The following PARD3 variants were observed in gnomAD, a reference collection of about 807,000 sequenced individuals.
The protein encoded by PARD3 is par-3 family cell polarity regulator, also known as partitioning defective 3 homolog.
PARD3 carries 75 observed loss-of-function variants against 155.4 expected under a neutral mutation model. That is an observed-to-expected ratio of 0.48 (90% CI 0.40 to 0.58). The LOEUF (loss-of-function observed/expected upper bound fraction) is 0.58, where lower values mean the gene tolerates loss of function less well. Ranked by LOEUF, PARD3 falls within the 20% of genes least tolerant of loss-of-function variation. The pLI, the probability that PARD3 is intolerant of heterozygous loss-of-function variation, is 0.00. For synonymous variants in PARD3, 576 were observed against 610.5 expected (o/e 0.94, Z 0.83); for missense variants, 1,642 against 1,721.7 (o/e 0.95, Z 0.82).
intron 5 of PARD3, among the ~76,000 whole-genome samples, chr10:34,424,201 A>G (rs748564135): frequency 5.9e-5 from 9 of 152,226 alleles, no homozygotes; most frequent in Non-Finnish European, 1.3e-4. Flanking sequence ...CAATGCATGC[A>G]GGGGATGAAA....
chr10:34,491,593 C>G (rs2079911714), intron 3 of PARD3, among the ~76,000 whole-genome samples: 2 of 152,284 alleles, frequency 1.3e-5, no homozygotes, highest in Admixed American at 6.5e-5. Flanking sequence ...ATATTTAGAA[C>G]TAGCTCACTG....
At chr10:34,766,617 CAAAAAA>C (rs34958448) in intron 1 of PARD3, among the ~76,000 whole-genome samples, 5 of 81,774 alleles carry the variant, frequency 6.1e-5, no homozygotes, top group South Asian at 5.5e-4. Context: ...ACTTAATTGA[CAAAAAA>C]AAAAAAAAAA....
At chr10:34,407,763 G>A (rs1387043051) in intron 5 of PARD3, among the ~76,000 whole-genome samples, 2 of 151,932 alleles carry the variant, frequency 1.3e-5, no homozygotes, top group Non-Finnish European at 2.9e-5. Flanking sequence ...AGCCCAGGGA[G>A]TTCAAGGCTG....
In PARD3 at chr10:34,804,617, T is replaced by C. The variant is rs16935739; in HGVS notation, c.120+10259A>G. Among the ~76,000 whole-genome samples the C allele has an allele frequency of 1.6e-3, 246 of 152,372 alleles. 7 individuals are homozygous for C. In the East Asian group the frequency reaches 0.044, roughly 27 times the overall value. On this transcript the variant is annotated intron_variant, in intron 1 of 24. Transcript: ENST00000374788. ...GCACACTGGGTTTCAGCATTATAAA[T>C]GACACATGTTAAATGCCTTTGTGGT...
rs575647547 is a variant in PARD3 at position 34,586,122 on chromosome 10, G to A, written c.223-68963C>T. Among the ~76,000 whole-genome samples the A allele has an allele frequency of 4.6e-5, 7 of 151,718 alleles. No individual in the cohort carries two copies. The East Asian group carries it at 7.8e-4, about 17-fold the overall frequency. On this transcript the variant is annotated intron_variant, in intron 2 of 24. Transcript: ENST00000374788. ...AAGTAACAACTGCTACTTTAATGCA[G>A]ATTAGTTTTCAGTCCCAACTGATGG... is the stretch of plus-strand genomic sequence containing the variant.
intron 6 of PARD3, 116 bp downstream of exon 6, chr10:34,401,710 G>T: frequency 1.3e-6 from 1 of 759,942 alleles, no homozygotes. Context: ...ATCAATGCAC[G>T]GCATGTTTTT....
intron 2 of PARD3, among the ~76,000 whole-genome samples, chr10:34,665,755 T>C (rs1184415601): frequency 1.3e-5 from 2 of 151,378 alleles, no homozygotes; most frequent in Middle Eastern, 3.5e-3. Flanking sequence ...GAAGAATCAC[T>C]TGAACCCAGG....
At chr10:34,785,169 ATCTT>A (rs1219039759) in intron 1 of PARD3, among the ~76,000 whole-genome samples, 4 of 152,274 alleles carry the variant, frequency 2.6e-5, no homozygotes, top group Non-Finnish European at 4.4e-5. Context: ...AATGTCATTA[ATCTT>A]TCTGTCTATG....
chr10:34,346,377 G>GT (rs1837426317), intron 15 of PARD3: 1 of 1,321,690 alleles, frequency 7.6e-7, no homozygotes, highest in Non-Finnish European at 1.0e-6. Flanking sequence ...AAGCATCAGG[G>GT]ATTGGAGGCA....
intron 3 of PARD3, among the ~76,000 whole-genome samples, chr10:34,497,284 TAAA>T (rs2133383936): frequency 6.6e-6 from 1 of 152,220 alleles, no homozygotes; most frequent in Non-Finnish European, 1.5e-5. Context: ...ATAATGCAAA[TAAA>T]AACAATATAG....
chr10:34,131,425 G>A (rs1251717141), intron 23 of PARD3, 38 bp downstream of exon 23: 6 of 1,612,712 alleles, frequency 3.7e-6, no homozygotes, highest in Non-Finnish European at 4.2e-6. Flanking sequence ...CAGGGAAGTT[G>A]TAGGACCATT....
At chr10:34,429,561 TTTGTTTTG>T (rs1186474445) in intron 5 of PARD3, among the ~76,000 whole-genome samples, 1 of 103,688 alleles carries the variant, frequency 9.6e-6, no homozygotes, top group Non-Finnish European at 1.8e-5. Context: ...TCAGTTTTGT[TTTGTTTTG>T]TTTTGTTTTG....
chr10:34,362,824 T>G (rs1839587148), intron 12 of PARD3, among the ~76,000 whole-genome samples: 2 of 152,264 alleles, frequency 1.3e-5, no homozygotes, highest in African/African-American at 4.8e-5. Flanking sequence ...TATGTGTGAA[T>G]GAACTGCACT....
intron 1 of PARD3, among the ~76,000 whole-genome samples, chr10:34,718,949 G>A (rs1476958682): frequency 6.6e-6 from 1 of 151,860 alleles, no homozygotes; most frequent in Non-Finnish European, 1.5e-5. Context: ...GGGGACAAGA[G>A]CGAGACTCAA....
At chr10:34,241,931 G>C (rs1953623501) in intron 22 of PARD3, among the ~76,000 whole-genome samples, 1 of 151,962 alleles carries the variant, frequency 6.6e-6, no homozygotes, top group Non-Finnish European at 1.5e-5. Context: ...ATAACTATCT[G>C]TATTGTGCAT....
Position 34,269,809 on chromosome 10 carries a change from A to T in PARD3, c.3267T>A (p.Cys1089Ter). ...CTCCCCCATACATTAACTCATCATC[A>T]CAGCCAAATGTCCGATGAAAATCTT... is the stretch of plus-strand genomic sequence containing the variant. ...EIQDFHRTFG[C>*]DDELMYGGVS... Residue 1089 changes from cysteine to a stop codon, truncating the protein, a stop_gained, in exon 22 of 25, where the codon TGT becomes TGA. Transcript: ENST00000374788. LOFTEE classifies it high-confidence loss of function. 6.2e-7 allele frequency: 1 copy of T among 1,613,984 alleles called. No individual in the cohort carries two copies. The highest frequency in any genetic ancestry group is 8.5e-7 in the Non-Finnish European group (1 of 1,179,956).
chr10:34,300,814 G>A (rs16935302), intron 20 of PARD3, among the ~76,000 whole-genome samples: 3,855 of 152,280 alleles, frequency 0.025, 149 homozygotes, highest in African/African-American at 0.087. Flanking sequence ...TAGGAAGGTC[G>A]TGTTCAGCAG....
chr10:34,302,274 T>C (rs2134028408), intron 20 of PARD3, among the ~76,000 whole-genome samples: 1 of 152,268 alleles, frequency 6.6e-6, no homozygotes, highest in East Asian at 1.9e-4. Context: ...TTAAAAAAAA[T>C]GAATTGCAGA....
In PARD3 at chr10:34,767,921, C is replaced by CA. The variant is rs1050955199; in HGVS notation, c.120+46954dup. 4.1e-4 allele frequency among the ~76,000 whole-genome samples: 57 copies of CA among 140,614 alleles called. 1 individual carries two copies. Among genetic ancestry groups the CA allele is most frequent in the African/African-American group, 5.0e-4 (19 of 38,014 alleles). 92.2% of individuals were successfully genotyped at this position (140,614 alleles called of 152,430 possible). A position where few individuals can be genotyped will look rare whatever the true frequency, so the allele number is the denominator to read the frequency against. On this transcript the variant is annotated intron_variant, in intron 1 of 24. Transcript: ENST00000374788. ...CCTGGGTAACAGTGAGACTCTGTCT[C>CA]AAAAAAAAAAGAGATTTTTAAAGGG...
Sources: allele counts gnomAD v4.1 joint callset (sites outside exome capture counted in the v4.1 genomes callset), GRCh38; gene constraint gnomAD v4.1.1; transcripts MANE v1.5; gene names NCBI Gene and HGNC (gene_info 2026-07-23, HGNC 2026-07-21).